The following SRD5A2 variants were observed in gnomAD, a reference collection of about 807,000 sequenced individuals.
SRD5A2 encodes steroid 5 alpha-reductase 2, also known as 3-oxo-5-alpha-steroid 4-dehydrogenase 2.
A neutral mutation model predicts 27.4 loss-of-function variants in SRD5A2; 30 were observed. That is an observed-to-expected ratio of 1.10 (90% CI 0.82 to 1.49). SRD5A2 has a LOEUF of 1.49. Among genes scored for constraint, SRD5A2 ranks in the 40% most tolerant of loss-of-function variants. SRD5A2 has a pLI of 0.00. For missense variants in SRD5A2, 348 were observed against 323.4 expected, an observed-to-expected ratio of 1.08 and a Z score of -0.58; for synonymous variants, 141 against 133.6, an observed-to-expected ratio of 1.06 and a Z score of -0.38.
chr2:31,590,150 C>T, the SRD5A2 span, among the ~76,000 whole-genome samples: 1 of 136,078 alleles, frequency 7.3e-6, no homozygotes, highest in Non-Finnish European at 1.6e-5. Flanking sequence ...ATCCTGCGCC[C>T]CCACCCCACC....
At chr2:31,591,768 T>C in the SRD5A2 span, among the ~76,000 whole-genome samples, 3 of 59,008 alleles carry the variant, frequency 5.1e-5, no homozygotes, top group South Asian at 2.6e-3. Context: ...TNAAAAATGA[T>C]GAGTTCATGT....
the SRD5A2 span, among the ~76,000 whole-genome samples, chr2:31,641,298 T>A: frequency 4.6e-5 from 7 of 152,202 alleles, no homozygotes; most frequent in Non-Finnish European, 8.8e-5. Context: ...GGAACAGACT[T>A]CTTGTCAGAA....
chr2:31,615,925 G>A, the SRD5A2 span, among the ~76,000 whole-genome samples: 1 of 152,098 alleles, frequency 6.6e-6, no homozygotes, highest in South Asian at 2.1e-4. Flanking sequence ...TAGGGGTCAA[G>A]ATACAGCTCA....
chr2:31,590,768 T>G, the SRD5A2 span, among the ~76,000 whole-genome samples: 2 of 152,034 alleles, frequency 1.3e-5, no homozygotes, highest in Admixed American at 1.3e-4. Flanking sequence ...CCATCAGAAA[T>G]AATGCCACAT....
intron 1 of SRD5A2, among the ~76,000 whole-genome samples, chr2:31,540,997 G>T (rs1187947912): frequency 2.0e-5 from 3 of 152,144 alleles, no homozygotes; most frequent in Non-Finnish European, 2.9e-5. Context: ...CAGCTGAAAT[G>T]ACTTCCAGAG....
the SRD5A2 span, among the ~76,000 whole-genome samples, chr2:31,628,097 G>C: frequency 6.6e-6 from 1 of 151,972 alleles, no homozygotes; most frequent in Non-Finnish European, 1.5e-5. Flanking sequence ...CTATTATTGT[G>C]GGATGTCTTA....
the SRD5A2 span, among the ~76,000 whole-genome samples, chr2:31,591,854 G>T: frequency 2.3e-5 from 3 of 128,052 alleles, no homozygotes; most frequent in East Asian, 2.5e-4. Context: ...ACCAAACACC[G>T]CATGTTTTCA....
intron 1 of SRD5A2, among the ~76,000 whole-genome samples, chr2:31,544,626 T>G (rs999263371): frequency 1.3e-5 from 2 of 151,854 alleles, no homozygotes; most frequent in Non-Finnish European, 2.9e-5. Flanking sequence ...ATCAGCCAAC[T>G]AACTTTACAA....
chr2:31,536,469 C>T (rs1166744793), intron 1 of SRD5A2, among the ~76,000 whole-genome samples: 1 of 152,164 alleles, frequency 6.6e-6, no homozygotes, highest in Non-Finnish European at 1.5e-5. Flanking sequence ...AATGACCATG[C>T]TTCAGGCTGG....
At chr2:31,598,158 T>G in the SRD5A2 span, among the ~76,000 whole-genome samples, 2 of 152,228 alleles carry the variant, frequency 1.3e-5, no homozygotes, top group East Asian at 3.9e-4. Flanking sequence ...GCAACCTGGA[T>G]GTAGTTGGAT....
chr2:31,602,257 A>G, the SRD5A2 span, among the ~76,000 whole-genome samples: 1 of 152,110 alleles, frequency 6.6e-6, no homozygotes, highest in African/African-American at 2.4e-5. Flanking sequence ...TAGCATTCCT[A>G]TACACCAACA....
At chr2:31,591,725 G>C in the SRD5A2 span, among the ~76,000 whole-genome samples, 3 of 132,650 alleles carry the variant, frequency 2.3e-5, no homozygotes, top group African/African-American at 8.7e-5. Flanking sequence ...AAGAAAATGC[G>C]GCACATATAC....
the SRD5A2 span, among the ~76,000 whole-genome samples, chr2:31,635,262 T>C: frequency 6.6e-6 from 1 of 152,196 alleles, no homozygotes; most frequent in Non-Finnish European, 1.5e-5. Context: ...TAACGTCACA[T>C]TGTGGTTTTG....
chr2:31,589,514 G>A, the SRD5A2 span, among the ~76,000 whole-genome samples: 1 of 152,232 alleles, frequency 6.6e-6, no homozygotes, highest in African/African-American at 2.4e-5. Flanking sequence ...GTCTCAGCGA[G>A]AGAACACCTC....
intron 1 of SRD5A2, among the ~76,000 whole-genome samples, chr2:31,567,332 CACATAT>C (rs1666751177): frequency 1.3e-5 from 2 of 151,984 alleles, no homozygotes; most frequent in South Asian, 4.2e-4. Flanking sequence ...GACACAGGGC[CACATAT>C]ACATATAATT....
chr2:31,647,456 T>G, the SRD5A2 span, among the ~76,000 whole-genome samples: 1 of 152,236 alleles, frequency 6.6e-6, no homozygotes, highest in Non-Finnish European at 1.5e-5. Flanking sequence ...CTTCCATGGT[T>G]TTAACTATTA....
At chr2:31,568,514 A>C (rs1051424247) in intron 1 of SRD5A2, among the ~76,000 whole-genome samples, 2 of 152,140 alleles carry the variant, frequency 1.3e-5, no homozygotes, top group Non-Finnish European at 2.9e-5. Context: ...TTATAGCCTC[A>C]GAAGGAAGGG....
At chr2:31,537,503 C>T (rs1171739585) in intron 1 of SRD5A2, among the ~76,000 whole-genome samples, 1 of 152,176 alleles carries the variant, frequency 6.6e-6, no homozygotes, top group East Asian at 1.9e-4. Flanking sequence ...TCTGGAAACA[C>T]TTTCTTTACT....
the SRD5A2 span, among the ~76,000 whole-genome samples, chr2:31,661,419 T>C: frequency 6.6e-6 from 1 of 152,102 alleles, no homozygotes; most frequent in African/African-American, 2.4e-5. Context: ...AGGGAAACAT[T>C]ACATTTCTTA....
Sources: allele counts gnomAD v4.1 joint callset (sites outside exome capture counted in the v4.1 genomes callset), GRCh38; gene constraint gnomAD v4.1.1; transcripts MANE v1.5; gene names NCBI Gene and HGNC (gene_info 2026-07-23, HGNC 2026-07-21).